CELF4: variants seen among roughly 807,000 people sequenced by gnomAD.
CELF4 encodes the protein CUGBP Elav-like family member 4.
In CELF4, 18 loss-of-function variants were observed where a neutral mutation model predicts 59.9. That is an observed-to-expected ratio of 0.30 (90% CI 0.21 to 0.45). The LOEUF (loss-of-function observed/expected upper bound fraction) is 0.45, where lower values mean the gene tolerates loss of function less well. Among genes scored for constraint, CELF4 ranks in the 20% least tolerant of loss-of-function variants. CELF4 has a pLI of 1.00. For missense variants in CELF4, 456 were observed against 689.0 expected, an observed-to-expected ratio of 0.66 and a Z score of 3.79; for synonymous variants, 261 against 267.1, an observed-to-expected ratio of 0.98 and a Z score of 0.22.
At chr18:37,490,166 T>C (rs2099896371) in intron 1 of CELF4, among the ~76,000 whole-genome samples, 1 of 152,144 alleles carries the variant, frequency 6.6e-6, no homozygotes, top group South Asian at 2.1e-4. Context: ...ACGCCATGTA[T>C]ATACAATGGA....
intron 2 of CELF4, among the ~76,000 whole-genome samples, chr18:37,464,889 C>T (rs1461663268): frequency 6.6e-6 from 1 of 152,166 alleles, no homozygotes; most frequent in Non-Finnish European, 1.5e-5. Context: ...AGATGTTCTC[C>T]CGGGATAACT....
intron 2 of CELF4, among the ~76,000 whole-genome samples, chr18:37,432,670 C>T (rs779349311): frequency 1.3e-5 from 2 of 152,200 alleles, no homozygotes; most frequent in Non-Finnish European, 2.9e-5. Flanking sequence ...GTGACCATCT[C>T]ATAGCTGAGA....
chr18:37,292,565 G>T (rs151167708), intron 3 of CELF4, among the ~76,000 whole-genome samples: 97 of 152,324 alleles, frequency 6.4e-4, no homozygotes, highest in Non-Finnish European at 1.1e-3. Context: ...GGCAGGCCAG[G>T]TACTTAGCAC....
At position 37,274,376 on chromosome 18, in the gene CELF4, C is replaced by T. The variant is rs761730967; in HGVS notation, c.736G>A (p.Gly246Ser). The change falls in exon 6 of 13, where the codon GGC becomes AGC. Residue 246 changes from glycine to serine, a missense_variant. By Grantham distance (56) the Gly-to-Ser change is moderately conservative. Transcript: ENST00000420428. ...RTMRRMQQMA[G>S]QMGMFNPMAI... ...ATGGGGTTGAACATGCCCATCTGGC[C>T]AGCCATCTGCTGCATTCGCCGCATC... The T allele has an allele frequency of 1.9e-5, 31 of 1,613,458 alleles. No individual in the cohort carries two copies. The highest frequency in any genetic ancestry group is 2.5e-5 in the Non-Finnish European group (29 of 1,179,976).
chr18:37,537,674 C>T (rs1227148451), intron 1 of CELF4, among the ~76,000 whole-genome samples: 1 of 152,186 alleles, frequency 6.6e-6, no homozygotes, highest in Non-Finnish European at 1.5e-5. Flanking sequence ...AGGGATGAGC[C>T]CCGGAGGTGG....
intron 2 of CELF4, among the ~76,000 whole-genome samples, chr18:37,419,486 A>G (rs1018829908): frequency 6.6e-6 from 1 of 152,074 alleles, no homozygotes; most frequent in Admixed American, 6.5e-5. Context: ...GGGAGATGGA[A>G]TGTTGTCAGG....
intron 8 of CELF4, among the ~76,000 whole-genome samples, chr18:37,267,903 G>C (rs985184539): frequency 7.2e-5 from 11 of 152,156 alleles, no homozygotes; most frequent in African/African-American, 2.4e-4. Flanking sequence ...TGGGCATGGT[G>C]GTGGGCACCT....
intron 3 of CELF4, among the ~76,000 whole-genome samples, chr18:37,308,238 A>T (rs1386098009): frequency 2.7e-5 from 4 of 150,482 alleles, no homozygotes; most frequent in African/African-American, 9.8e-5. Flanking sequence ...GGTATCGAAG[A>T]CTCCCCATCA....
intron 2 of CELF4, among the ~76,000 whole-genome samples, chr18:37,354,121 A>G (rs1186039165): frequency 6.6e-6 from 1 of 151,922 alleles, no homozygotes. Flanking sequence ...TTTTTCCCTT[A>G]GGACTTGGGC....
intron 2 of CELF4, among the ~76,000 whole-genome samples, chr18:37,466,937 G>T (rs889379499): frequency 2.6e-5 from 4 of 152,150 alleles, no homozygotes; most frequent in Non-Finnish European, 5.9e-5. Context: ...GCCACTCAGC[G>T]GGTGTGGAGC....
At chr18:37,529,823 C>G (rs773272499) in intron 1 of CELF4, among the ~76,000 whole-genome samples, 24 of 152,130 alleles carry the variant, frequency 1.6e-4, no homozygotes, top group Admixed American at 5.9e-4. Context: ...CTCCGTATAT[C>G]TCCCTGAAAA....
chr18:37,351,896 G>A (rs4799917), intron 2 of CELF4, among the ~76,000 whole-genome samples: 88,704 of 151,902 alleles, frequency 0.58, 27,394 homozygotes, highest in East Asian at 0.74. Context: ...GATTACAGGC[G>A]TGAGCCACCA....
chr18:37,406,798 A>G (rs2099392234), intron 2 of CELF4, among the ~76,000 whole-genome samples: 1 of 151,932 alleles, frequency 6.6e-6, no homozygotes. Context: ...GAAGTTGGGT[A>G]GGGCAGGTAG....
chr18:37,476,957 C>A (rs1056742336), intron 2 of CELF4, among the ~76,000 whole-genome samples: 1 of 152,232 alleles, frequency 6.6e-6, no homozygotes, highest in Admixed American at 6.5e-5. Flanking sequence ...GACCAGAGAG[C>A]GAAGCTTTCT....
At chr18:37,524,412 C>T (rs1315569746) in intron 1 of CELF4, among the ~76,000 whole-genome samples, 1 of 152,190 alleles carries the variant, frequency 6.6e-6, no homozygotes, top group Non-Finnish European at 1.5e-5. Context: ...TGTTTGCCTC[C>T]TCCTCTCTCC....
chr18:37,349,229 C>T (rs578141445), intron 2 of CELF4, among the ~76,000 whole-genome samples: 34 of 152,340 alleles, frequency 2.2e-4, no homozygotes, highest in South Asian at 1.2e-3. Context: ...GGGCCCTGCC[C>T]TCCCAACCTG....
In CELF4 at chr18:37,264,120, C is replaced by T. The variant is rs184523584; in HGVS notation, c.1249+554G>A. Among the ~76,000 whole-genome samples, 10 of 152,324 alleles carry T rather than the reference C, an allele frequency of 6.6e-5. No individual in the cohort carries two copies. In the East Asian group the frequency reaches 1.7e-3, roughly 27 times the overall value. On this transcript the variant is annotated intron_variant, in intron 10 of 12. Transcript: ENST00000420428. Reference sequence around the variant, plus strand: ...GAGTCTCATCTCCCAGCTATTCTCCCTGGGAACACAGTGGTAGGCCCTCCA... The same window carrying T: ...GAGTCTCATCTCCCAGCTATTCTCCTTGGGAACACAGTGGTAGGCCCTCCA...
intron 2 of CELF4, among the ~76,000 whole-genome samples, chr18:37,398,772 G>C (rs1214950364): frequency 6.6e-6 from 1 of 152,102 alleles, no homozygotes; most frequent in Non-Finnish European, 1.5e-5. Flanking sequence ...ACTGTGTTGC[G>C]ATCACTCGAG....
intron 2 of CELF4, among the ~76,000 whole-genome samples, chr18:37,431,568 A>C (rs1400642505): frequency 6.6e-6 from 1 of 151,828 alleles, no homozygotes; most frequent in Non-Finnish European, 1.5e-5. Flanking sequence ...ACGGGGTTTC[A>C]CCATGTTAGC....
Sources: allele counts gnomAD v4.1 joint callset (sites outside exome capture counted in the v4.1 genomes callset), GRCh38; gene constraint gnomAD v4.1.1; transcripts MANE v1.5; gene names NCBI Gene and HGNC (gene_info 2026-07-23, HGNC 2026-07-21).